The following CCDC187 variants were observed in gnomAD, a reference collection of about 807,000 sequenced individuals.
The protein encoded by CCDC187 is coiled-coil domain containing 187.
CCDC187 carries 32 observed loss-of-function variants against 38.0 expected under a neutral mutation model. The observed-to-expected ratio is 0.84, with a 90% confidence interval of 0.64 to 1.13. CCDC187 has a LOEUF of 1.13. Ranked by LOEUF, CCDC187 falls within the 50% of genes most tolerant of loss-of-function variation. The pLI, the probability that CCDC187 is intolerant of heterozygous loss-of-function variation, is 0.00. For synonymous variants in CCDC187, 333 were observed against 347.9 expected (o/e 0.96, Z 0.48); for missense variants, 707 against 786.8 (o/e 0.90, Z 1.21).
In CCDC187 at chr9:136,264,469, A is replaced by G. The variant is rs1224361907; in HGVS notation, c.3736-671T>C. On this transcript the variant is annotated intron_variant, in intron 17 of 25. Transcript: ENST00000638797. This position sits in a 1 kb window ranked among gnomAD's most constrained non-coding sequence, Gnocchi z 4.3. ...GCCCCGTCGTTGCCATGTGACATGCAGACCCCTTCTAAGCCCCTTTTGTTT... is the reference window on the plus strand; with the variant it reads ...GCCCCGTCGTTGCCATGTGACATGCGGACCCCTTCTAAGCCCCTTTTGTTT... 6.6e-6 allele frequency among the ~76,000 whole-genome samples: 1 copy of G among 152,040 alleles called. No homozygotes were observed. The highest frequency in any genetic ancestry group is 1.5e-5 in the Non-Finnish European group (1 of 68,004).
At chr9:136,305,978 C>T (rs1292073503), upstream of CCDC187, among the ~76,000 whole-genome samples, 6 of 152,346 alleles carry the variant, frequency 3.9e-5, no homozygotes, top group East Asian at 1.2e-3. Flanking sequence ...GGACCCTCTG[C>T]CGATGTTGTC....
At chr9:136,263,977 G>C in intron 17 of CCDC187, 179 bp from the exon 18 acceptor site, 1 of 229,700 alleles carries the variant, frequency 4.4e-6, no homozygotes, top group East Asian at 1.8e-4. Flanking sequence ...CCATGGCCTT[G>C]GGCTTCCCTG....
rs1441727340 is a variant in CCDC187 at position 136,255,042 on chromosome 9, C to G, written c.4786G>C (p.Glu1596Gln). The G allele has an allele frequency of 2.3e-5, 23 of 985,488 alleles. No individual in the cohort carries two copies. The highest frequency in any genetic ancestry group is 2.8e-5 in the Non-Finnish European group (23 of 830,062). 61.0% of individuals were successfully genotyped at this position (985,488 alleles called of 1,614,324 possible). Reference protein sequence around the residue: ...PTTSSCGPGSESASGTCWGPS... With the variant: ...PTTSSCGPGSQSASGTCWGPS... ...CCCCAGCAGGTTCCAGAAGCAGACT[C>G]AGAGCCTGGACCGCAGGAGGAGGTG... is the stretch of plus-strand genomic sequence containing the variant. The change falls in exon 26 of 26, where the codon GAG becomes CAG. Residue 1596 changes from glutamate (E) to glutamine (Q), a missense_variant. Glu to Gln is a conservative substitution (Grantham distance 29, BLOSUM62 2). Coordinates refer to ENST00000638797, the MANE Select transcript of CCDC187 (RefSeq NM_001378188.1).
At chr9:136,276,546 T>C (rs1431172981) in intron 11 of CCDC187, 105 bp downstream of exon 11, 3 of 152,044 alleles carry the variant, frequency 2.0e-5, no homozygotes, top group Non-Finnish European at 4.4e-5. Flanking sequence ...AATTCTATAG[T>C]CTGCACATTA....
At chr9:136,301,319 A>C (rs1478809380) in intron 2 of CCDC187, among the ~76,000 whole-genome samples, 5 of 136,384 alleles carry the variant, frequency 3.7e-5, no homozygotes, top group African/African-American at 1.1e-4. Context: ...TTAAAAAAAC[A>C]AAGTCACAAA....
Position 136,300,243 on chromosome 9 carries a change from C to G in CCDC187, c.701G>C (p.Arg234Thr), listed in dbSNP as rs1039371816. The change falls in exon 3 of 26, where the codon AGG becomes ACG. Residue 234 changes from arginine to threonine, a missense_variant. Arg to Thr is a moderately conservative substitution (Grantham distance 71, BLOSUM62 -1). Transcript: ENST00000638797. ...ACCAGGAACCTGGTGCTGGGAGACC[C>G]TGGAGAGCTCGCGCCCCTGGCCGTG... The part of the protein sequence containing the change: ...ASHGQGRELS[R>T]VSQHQVPVLR... 8 of 398,704 alleles carry G rather than the reference C, an allele frequency of 2.0e-5. No homozygotes were observed. Among genetic ancestry groups the G allele is most frequent in the East Asian group, 7.1e-5 (2 of 28,080 alleles). 24.7% of individuals were successfully genotyped at this position (398,704 alleles called of 1,614,324 possible).
chr9:136,278,278 C>A (rs1178649384), intron 10 of CCDC187, among the ~76,000 whole-genome samples: 1 of 152,244 alleles, frequency 6.6e-6, no homozygotes, highest in Non-Finnish European at 1.5e-5. Context: ...GTCCTGCGGC[C>A]CCCACAGATC....
chr9:136,293,227 A>ACG (rs1831390318), intron 4 of CCDC187, among the ~76,000 whole-genome samples: 1 of 144,598 alleles, frequency 6.9e-6, no homozygotes, highest in Non-Finnish European at 1.5e-5. Flanking sequence ...ACACACTCAC[A>ACG]CTCACACGCT....
chr9:136,281,978 G>A (rs952138530), intron 9 of CCDC187, among the ~76,000 whole-genome samples: 3,275 of 152,270 alleles, frequency 0.022, 38 homozygotes, highest in East Asian at 0.029. Flanking sequence ...AAGCGTTGGC[G>A]CCAAGCCTGG....
chr9:136,258,727 C>T lies in CCDC187; in HGVS notation c.4366+205G>A. 1.0e-6 allele frequency: 1 copy of T among 985,490 alleles called. No homozygotes were observed. The highest frequency in any genetic ancestry group is 1.2e-6 in the Non-Finnish European group (1 of 829,938). The allele number at this position is 985,490 out of a possible 1,614,324, so 61.0% of individuals were successfully genotyped here. ...ACTTTTAATTTCTCCAGAAGAGCCG[C>T]TGCGTCACCTCCGGTAGGAGATGGA... On this transcript the variant is annotated intron_variant, in intron 22 of 25. Coordinates refer to ENST00000638797, the MANE Select transcript of CCDC187 (RefSeq NM_001378188.1). This position sits in a 1 kb window ranked among gnomAD's most constrained non-coding sequence, Gnocchi z 4.3.
chr9:136,267,686 G>T (rs1015931855), intron 15 of CCDC187, 175 bp from the exon 16 acceptor site: 1 of 918,964 alleles, frequency 1.1e-6, no homozygotes, highest in Non-Finnish European at 1.3e-6. Context: ...CCCCTATGCC[G>T]CCCTCGCTTC....
chr9:136,278,743 A>G (rs889355911), intron 10 of CCDC187, among the ~76,000 whole-genome samples: 2 of 152,350 alleles, frequency 1.3e-5, no homozygotes, highest in Non-Finnish European at 2.9e-5. Context: ...TTTGAGAGCC[A>G]GGGCCCTGCT....
chr9:136,284,835 C>A (rs1008331899), intron 9 of CCDC187, among the ~76,000 whole-genome samples: 5 of 152,106 alleles, frequency 3.3e-5, no homozygotes, highest in East Asian at 1.9e-4. Context: ...AGGGAGCGGC[C>A]GCCTCGTGCA....
rs572972250 is a variant in CCDC187 at position 136,270,627 on chromosome 9, T to C, written c.3443-2502A>G. ...ACAGGGAGGGGTTTAGGCCTCCGGA[T>C]GACTGGGGGCAAGCCTGGATAATAT... On this transcript the variant is annotated intron_variant, in intron 14 of 25. Transcript: ENST00000638797. Among the ~76,000 whole-genome samples the C allele has an allele frequency of 3.3e-5, 5 of 152,300 alleles. No homozygotes were observed. The South Asian group carries it at 6.2e-4, about 19-fold the overall frequency.
chr9:136,285,833 A>G, intron 8 of CCDC187: 3 of 397,012 alleles, frequency 7.6e-6, no homozygotes, highest in Non-Finnish European at 1.3e-5. Context: ...AGACAGGAGC[A>G]ATAGCTGCTG....
At chr9:136,285,440 TGGGCA>T (rs1831154123) in intron 9 of CCDC187, 68 bp downstream of exon 9, 2 of 31,486 alleles carry the variant, frequency 6.4e-5, no homozygotes, top group Non-Finnish European at 1.3e-4. Context: ...GGTGGGCAGG[TGGGCA>T]GGTGGGCAGG....
At chr9:136,281,721 G>A in intron 9 of CCDC187, 58 bp from the exon 10 acceptor site, 1 of 398,560 alleles carries the variant, frequency 2.5e-6, no homozygotes, top group Non-Finnish European at 4.4e-6. Context: ...ACAGGAGGCA[G>A]GGAGATCCGG....
intron 16 of CCDC187, 26 bp downstream of exon 16, chr9:136,267,358 G>T: frequency 1.0e-6 from 1 of 985,140 alleles, no homozygotes; most frequent in Non-Finnish European, 1.2e-6. Context: ...GGCGGGGCGG[G>T]GCCGGCGCCA....
rs112122274 is a variant in CCDC187, at chr9:136,257,994, A to C, written c.4366+938T>G. Among the ~76,000 whole-genome samples, 3 of 152,188 alleles carry C rather than the reference A, an allele frequency of 2.0e-5. No homozygotes were observed. Among genetic ancestry groups the C allele is most frequent in the Non-Finnish European group, 4.4e-5 (3 of 68,024 alleles). ...CCACCTCCAGAGGCAACGAGGACCC[A>C]TGGTGGGTGCAGGCGCCTGGCTGGC... On this transcript the variant is annotated intron_variant, in intron 22 of 25. Transcript: ENST00000638797. This position sits in a 1 kb window ranked among gnomAD's most constrained non-coding sequence, Gnocchi z 4.5.
Sources: gnomAD v4.1 joint callset for allele counts (sites outside exome capture counted in the v4.1 genomes callset) on GRCh38, gnomAD v4.1.1 for gene constraint, Gnocchi (gnomAD v3.1) non-coding constraint, MANE v1.5 for transcripts, NCBI Gene and HGNC (gene_info 2026-07-23, HGNC 2026-07-21) for gene names.